The following PHC3 variants were observed in gnomAD, a reference collection of about 807,000 sequenced individuals.
PHC3 encodes polyhomeotic homolog 3.
A neutral mutation model predicts 107.4 loss-of-function variants in PHC3; 13 were observed. The ratio of observed to expected loss-of-function variants is 0.12; its 90% confidence interval spans 0.08 to 0.19. PHC3 has a LOEUF of 0.19. Among genes scored for constraint, PHC3 ranks in the 10% least tolerant of loss-of-function variants. The pLI, the probability that PHC3 is intolerant of heterozygous loss-of-function variation, is 1.00. For missense variants in PHC3, 992 were observed against 1,210.9 expected, an observed-to-expected ratio of 0.82 and a Z score of 2.68; for synonymous variants, 456 against 427.4, an observed-to-expected ratio of 1.07 and a Z score of -0.83.
At chr3:170,166,067 T>C (rs1728698788) in intron 4 of PHC3, among the ~76,000 whole-genome samples, 3 of 151,942 alleles carry the variant, frequency 2.0e-5, no homozygotes, top group African/African-American at 7.2e-5. Flanking sequence ...TTTTTTGAGA[T>C]GGAGTCTTGC....
Position 170,090,959 on chromosome 3 carries a change from A to G in PHC3, c.*6271T>C, listed in dbSNP as rs926348995. 1 of 152,238 alleles carries G rather than the reference A, an allele frequency of 6.6e-6. No homozygotes were observed. Among genetic ancestry groups the G allele is most frequent in the Non-Finnish European group, 1.5e-5 (1 of 68,040 alleles). The allele number at this position is 152,238 out of a possible 1,614,324, so 9.4% of individuals were successfully genotyped here. ...TTTAAGAGAAGCATTCTAAATAAAG[A>G]TTTAAACACTAGACACTTCTGGTTT... is the stretch of plus-strand genomic sequence containing the variant. On this transcript the variant is annotated 3_prime_UTR_variant, in exon 15 of 15. Transcript: ENST00000495893.
chr3:170,123,202 A>G (rs1380775028), intron 8 of PHC3, among the ~76,000 whole-genome samples: 1 of 152,148 alleles, frequency 6.6e-6, no homozygotes, highest in Non-Finnish European at 1.5e-5. Context: ...CTTCCTTATT[A>G]TTATGTAATT....
intron 14 of PHC3, 84 bp downstream of exon 14, chr3:170,102,395 T>C: frequency 1.3e-6 from 2 of 1,535,082 alleles, no homozygotes; most frequent in South Asian, 1.2e-5. Context: ...CTAGCCCTTT[T>C]GTGCAAAAGG....
intron 12 of PHC3, among the ~76,000 whole-genome samples, chr3:170,104,497 T>G (rs956645407): frequency 6.6e-6 from 1 of 152,146 alleles, no homozygotes; most frequent in Non-Finnish European, 1.5e-5. Context: ...GGTCTCAAAT[T>G]CCTGGGCTCA....
At chr3:170,140,584 CTTTTTTT>C (rs57137783) in intron 6 of PHC3, among the ~76,000 whole-genome samples, 8 of 69,588 alleles carry the variant, frequency 1.1e-4, no homozygotes, top group Admixed American at 5.8e-4. Flanking sequence ...ATTTCTTTTT[CTTTTTTT>C]TTTTTTTTTT....
intron 12 of PHC3, among the ~76,000 whole-genome samples, chr3:170,106,549 C>T (rs1171751577): frequency 6.6e-6 from 1 of 152,090 alleles, no homozygotes; most frequent in East Asian, 1.9e-4. Context: ...TATATTCTTA[C>T]CATCAGGAGA....
intron 8 of PHC3, 25 bp from the exon 9 acceptor site, chr3:170,122,769 T>G (rs946787738): frequency 1.9e-6 from 3 of 1,605,016 alleles, no homozygotes; most frequent in Non-Finnish European, 2.6e-6. Flanking sequence ...CATACTGCCT[T>G]AAAATGTTTC....
At chr3:170,147,505 C>T (rs1387524571) in intron 5 of PHC3, 4 of 152,044 alleles carry the variant, frequency 2.6e-5, no homozygotes, top group Admixed American at 6.6e-5. Context: ...AAACAATATT[C>T]ATTTAAAAAA....
chr3:170,120,391 A>G (rs1577046955), intron 9 of PHC3, among the ~76,000 whole-genome samples: 1 of 151,966 alleles, frequency 6.6e-6, no homozygotes, highest in African/African-American at 2.4e-5. Context: ...TTCGAGACCC[A>G]CCTAGCCAAC....
intron 4 of PHC3, among the ~76,000 whole-genome samples, chr3:170,161,202 T>A (rs1316144901): frequency 6.6e-6 from 1 of 152,222 alleles, no homozygotes; most frequent in Non-Finnish European, 1.5e-5. Context: ...ACTTTTTTCT[T>A]ATTAATAAAC....
intron 1 of PHC3, among the ~76,000 whole-genome samples, 193 bp from the exon 2 acceptor site, chr3:170,179,131 T>C (rs1730992765): frequency 1.3e-5 from 2 of 152,178 alleles, no homozygotes; most frequent in Non-Finnish European, 2.9e-5. Flanking sequence ...TATTTAATAG[T>C]TAATACCTAC....
chr3:170,119,695 T>C (rs1719828222), intron 9 of PHC3, among the ~76,000 whole-genome samples: 1 of 152,206 alleles, frequency 6.6e-6, no homozygotes, highest in South Asian at 2.1e-4. Context: ...GAGCAAGAGA[T>C]GTGAGATTTT....
chr3:170,178,256 G>A (rs1730828428), intron 2 of PHC3, among the ~76,000 whole-genome samples: 2 of 149,574 alleles, frequency 1.3e-5, no homozygotes, highest in Admixed American at 6.8e-5. Context: ...CCATTCTCCT[G>A]CCTCAGCCTC....
intron 13 of PHC3, 32 bp from the exon 14 acceptor site, chr3:170,102,742 T>C (rs773921484): frequency 9.9e-6 from 16 of 1,613,456 alleles, no homozygotes; most frequent in African/African-American, 1.3e-5. Flanking sequence ...AAATACAGCA[T>C]TGCACTTTCC....
intron 4 of PHC3, among the ~76,000 whole-genome samples, chr3:170,164,512 CT>C (rs2108696478): frequency 6.6e-6 from 1 of 152,194 alleles, no homozygotes; most frequent in South Asian, 2.1e-4. Flanking sequence ...AAGAATTCTG[CT>C]TCCAAAAAAA....
At position 170,149,122 on chromosome 3, in the gene PHC3, C is replaced by G; in HGVS notation, c.537G>C (p.Thr179=). Residue 179 remains threonine (T), a synonymous_variant, in exon 5 of 15, where the codon ACG becomes ACC. Coordinates refer to ENST00000495893, the MANE Select transcript of PHC3 (RefSeq NM_024947.4). ...MLLGSTSPTL[T]ASQAQMYLRA... ...GGAGATACATTTGAGCTTGGCTTGCCGTTAGGGTAGGGGAAGTACTCCCTA... is the reference window on the plus strand; with the variant it reads ...GGAGATACATTTGAGCTTGGCTTGCGGTTAGGGTAGGGGAAGTACTCCCTA... 6.2e-7 allele frequency: 1 copy of G among 1,613,120 alleles called. No individual in the cohort carries two copies. The highest frequency in any genetic ancestry group is 8.5e-7 in the Non-Finnish European group (1 of 1,179,706).
intron 5 of PHC3, 41 bp downstream of exon 5, chr3:170,149,045 A>C (rs757251633): frequency 6.4e-7 from 1 of 1,573,530 alleles, no homozygotes; most frequent in South Asian, 1.1e-5. Flanking sequence ...TGATCTCTCA[A>C]GTCCTTAAAC....
chr3:170,159,851 T>C (rs1290857855), intron 4 of PHC3, among the ~76,000 whole-genome samples: 1 of 152,196 alleles, frequency 6.6e-6, no homozygotes, highest in Non-Finnish European at 1.5e-5. Context: ...TACTAAAATT[T>C]TGAAAAAAGT....
chr3:170,150,588 C>T (rs925091555), intron 4 of PHC3: 1 of 180,228 alleles, frequency 5.5e-6, no homozygotes, highest in Admixed American at 6.4e-5. Context: ...TGGTGGGTGC[C>T]TGTAGTCCCA....
Sources: allele counts gnomAD v4.1 joint callset (sites outside exome capture counted in the v4.1 genomes callset), GRCh38; gene constraint gnomAD v4.1.1; transcripts MANE v1.5; gene names NCBI Gene and HGNC (gene_info 2026-07-23, HGNC 2026-07-21).